Variants in UPP1 observed in about 807,000 individuals in gnomAD.
UPP1 encodes the protein uridine phosphorylase 1, also known as UPase 1.
UPP1 carries 25 observed loss-of-function variants against 29.6 expected under a neutral mutation model. The observed-to-expected ratio is 0.85, with a 90% CI of 0.62 to 1.18. UPP1 has a LOEUF of 1.18. Ranked by LOEUF, UPP1 falls within the 50% of genes most tolerant of loss-of-function variation. The pLI is 0.00. For missense variants in UPP1, 368 were observed against 410.4 expected, an observed-to-expected ratio of 0.90 and a Z score of 0.89; for synonymous variants, 165 against 159.8, an observed-to-expected ratio of 1.03 and a Z score of -0.25.
chr7:48,108,381 CCTG>C lies in UPP1; in HGVS notation c.*28_*30del, dbSNP rs750076574. The stretch of plus-strand genomic sequence containing the variant: ...GAGCGCTGCCCTGCACCTCCGCAGA[CCTG>C]CTGTGATGACTTGCCATTAAAAGCA... On this transcript the variant is annotated 3_prime_UTR_variant, in exon 9 of 9. Transcript: ENST00000395564. The C allele has an allele frequency of 1.9e-6, 3 of 1,596,900 alleles. No individual in the cohort carries two copies. Among genetic ancestry groups the C allele is most frequent in the African/African-American group, 1.3e-5 (1 of 74,762 alleles).
chr7:48,107,211 G>A (rs1792804165), intron 7 of UPP1, 129 bp downstream of exon 7: 1 of 1,418,706 alleles, frequency 7.0e-7, no homozygotes, highest in East Asian at 2.4e-5. Context: ...TTCGCCCAGA[G>A]TGGTTATAAT....
intron 2 of UPP1, among the ~76,000 whole-genome samples, chr7:48,091,716 A>G (rs1000565578): frequency 7.9e-5 from 12 of 152,142 alleles, no homozygotes; most frequent in African/African-American, 2.9e-4. Flanking sequence ...AAGTGGAGAG[A>G]AGTTAGTTCT....
Position 48,094,799 on chromosome 7 carries a change from G to A in UPP1, c.16G>A (p.Ala6Thr), listed in dbSNP as rs770128008. ...AGTTGGCGGAATGGCGGCCACGGGA[G>A]CCAATGCAGAGAAAGCTGAAAGTCA... MAATGANAEKAESHND... is the reference protein window; with the variant it reads MAATGTNAEKAESHND... The change falls in exon 3 of 9, where the codon GCC (alanine) becomes ACC (threonine). Residue 6 changes from alanine to threonine, a missense_variant. Coordinates refer to ENST00000395564, the MANE Select transcript of UPP1 (RefSeq NM_003364.4). 11 of 1,613,976 alleles carry A rather than the reference G, an allele frequency of 6.8e-6. No homozygotes were observed. The East Asian group carries it at 2.2e-4, about 33-fold the overall frequency.
chr7:48,106,974 A>G lies in UPP1; in HGVS notation c.538A>G (p.Thr180Ala). 4 of 1,613,244 alleles carry G rather than the reference A, an allele frequency of 2.5e-6. No individual in the cohort carries two copies. Among genetic ancestry groups the G allele is most frequent in the African/African-American group, 1.3e-5 (1 of 75,006 alleles). The change falls in exon 7 of 9, where the codon ACG (threonine) becomes GCG (alanine). Residue 180 changes from threonine (T) to alanine (A), a missense_variant. Thr to Ala is a moderately conservative substitution (Grantham distance 58). Transcript: ENST00000395564. ...IVLGKRVIRK[T>A]DLNKKLVQEL... ...CCTGGGGAAGCGGGTCATCCGGAAA[A>G]CGGACCTTAACAAGAAGCTGGTGCA...
intron 5 of UPP1, among the ~76,000 whole-genome samples, chr7:48,102,530 A>G (rs1441829655): frequency 5.3e-5 from 8 of 152,138 alleles, no homozygotes; most frequent in Non-Finnish European, 1.5e-5. Flanking sequence ...GTGCACCCCT[A>G]CCTCTCCAGT....
At chr7:48,090,096 C>A (rs1005297057) in intron 1 of UPP1, 92 bp from the exon 2 acceptor site, 1 of 152,220 alleles carries the variant, frequency 6.6e-6, no homozygotes, top group African/African-American at 2.4e-5. Flanking sequence ...AGAGAAACTT[C>A]ACAGGCATAT....
In UPP1 at chr7:48,103,391, T is replaced by C. The variant is rs149849645; in HGVS notation, c.416T>C (p.Ile139Thr). The C allele has an allele frequency of 5.0e-6, 8 of 1,613,872 alleles. No homozygotes were observed. The highest frequency in any genetic ancestry group is 1.1e-5 in the South Asian group (1 of 91,082). Reference sequence around the variant, plus strand: ...TGCTCCAACGTCACTATCATCCGCATTGGCACTTCTGGTGGGATAGGTAAG... The same window carrying C: ...TGCTCCAACGTCACTATCATCCGCACTGGCACTTCTGGTGGGATAGGTAAG... Reference protein sequence around the residue: ...ARCSNVTIIRIGTSGGIGLEP... With the variant: ...ARCSNVTIIRTGTSGGIGLEP... The change falls in exon 6 of 9, where the codon ATT becomes ACT. Residue 139 changes from isoleucine to threonine, a missense_variant. Transcript: ENST00000395564.
At chr7:48,101,762 C>G in intron 4 of UPP1, 62 bp from the exon 5 acceptor site, 11 of 1,548,534 alleles carry the variant, frequency 7.1e-6, no homozygotes, top group Non-Finnish European at 8.7e-6. Flanking sequence ...GTCTAGGGGC[C>G]CCACTTGAGG....
chr7:48,099,700 CAT>C lies in UPP1; in HGVS notation c.77_78del (p.Ile26SerfsTer16). On this transcript the variant is annotated frameshift_variant, in exon 4 of 9. Coordinates refer to ENST00000395564, the MANE Select transcript of UPP1 (RefSeq NM_003364.4). LOFTEE classifies it high-confidence loss of function. Reference protein sequence around the residue: ...DCPVRLLNPNIAKMKEDILYH... With the variant: ...DCPVRLLNPNXAKMKEDILYH... ...GCCCCGTCAGACTTTTAAATCCAAA[CAT>C]AGCAAAAATGAAAGAAGATATTCTC... 1 of 1,613,460 alleles carries C rather than the reference CAT, an allele frequency of 6.2e-7. No individual in the cohort carries two copies.
chr7:48,106,925 CA>C lies in UPP1; in HGVS notation c.491del (p.Lys164ArgfsTer34). 6.2e-7 allele frequency: 1 copy of C among 1,613,712 alleles called. No homozygotes were observed. On this transcript the variant is annotated frameshift_variant, in exon 7 of 9. Transcript: ENST00000395564. LOFTEE classifies it high-confidence loss of function. ...ITEQAVDTCF[K>X]AEFEQIVLGK... ...CAGAGCAGGCAGTGGATACCTGCTT[CA>C]AGGCAGAGTTTGAGCAGATTGTCCT...
intron 3 of UPP1, among the ~76,000 whole-genome samples, chr7:48,098,133 C>A (rs1416898142): frequency 6.6e-6 from 1 of 152,172 alleles, no homozygotes; most frequent in African/African-American, 2.4e-5. Context: ...GCCCCCTGTC[C>A]CCTTATACAA....
chr7:48,094,626 A>T (rs1792028393), intron 2 of UPP1, 137 bp from the exon 3 acceptor site: 1 of 697,518 alleles, frequency 1.4e-6, no homozygotes. Context: ...TCTATTTCTC[A>T]CACAATTCAC....
intron 6 of UPP1, 118 bp from the exon 7 acceptor site, chr7:48,106,755 T>C (rs945470546): frequency 9.3e-6 from 8 of 860,494 alleles, no homozygotes; most frequent in Non-Finnish European, 1.3e-5. Context: ...CGTGTTTGGA[T>C]GTGTGGGTGG....
rs115222424 is a variant in UPP1, at chr7:48,103,387, C to T, written c.412C>T (p.Arg138Cys). Reference sequence around the variant, plus strand: ...CCGGTGCTCCAACGTCACTATCATCCGCATTGGCACTTCTGGTGGGATAGG... The same window carrying T: ...CCGGTGCTCCAACGTCACTATCATCTGCATTGGCACTTCTGGTGGGATAGG... ...YARCSNVTIIRIGTSGGIGLE... is the reference protein window; with the variant it reads ...YARCSNVTIICIGTSGGIGLE... The change falls in exon 6 of 9, where the codon CGC (arginine) becomes TGC (cysteine). Residue 138 changes from arginine to cysteine, a missense_variant. Coordinates refer to ENST00000395564, the MANE Select transcript of UPP1 (RefSeq NM_003364.4). 8.3e-5 allele frequency: 134 copies of T among 1,613,886 alleles called. No individual in the cohort carries two copies. Among genetic ancestry groups the T allele is most frequent in the East Asian group, 4.2e-4 (19 of 44,860 alleles).
chr7:48,102,062 C>T, intron 5 of UPP1, 80 bp downstream of exon 5: 1 of 1,487,692 alleles, frequency 6.7e-7, no homozygotes, highest in Non-Finnish European at 9.1e-7. Context: ...ACACAGACAG[C>T]TGGTCCCCTA....
intron 8 of UPP1, 118 bp downstream of exon 8, chr7:48,107,625 T>G (rs1260952553): frequency 3.2e-6 from 4 of 1,241,118 alleles, no homozygotes; most frequent in Non-Finnish European, 4.4e-6. Context: ...GGTTTCTGTT[T>G]CCGCTGCCCC....
chr7:48,099,065 G>A (rs565375337), intron 3 of UPP1, among the ~76,000 whole-genome samples: 12 of 152,318 alleles, frequency 7.9e-5, no homozygotes, highest in African/African-American at 2.9e-4. Flanking sequence ...ATGAAGAAAA[G>A]TTTGCTGATG....
rs1448889599 is a variant in UPP1, at chr7:48,099,542, A to G, written c.45-128A>G. ...ACCTTGGCAATGTTGGGGTTGTCTTATCTCCGGGATCTGGCCCTGTCTTTC... is the reference window on the plus strand; with the variant it reads ...ACCTTGGCAATGTTGGGGTTGTCTTGTCTCCGGGATCTGGCCCTGTCTTTC... On this transcript the variant is annotated intron_variant, in intron 3 of 8. Transcript: ENST00000395564. 7.5e-6 allele frequency: 5 copies of G among 666,416 alleles called. No individual in the cohort carries two copies. In the Admixed American group the frequency reaches 1.3e-4, roughly 17 times the overall value. 41.3% of individuals were successfully genotyped at this position (666,416 alleles called of 1,614,324 possible). A position where few individuals can be genotyped will look rare whatever the true frequency, so the allele number is the denominator to read the frequency against.
At chr7:48,094,317 G>A (rs1426775608) in intron 2 of UPP1, among the ~76,000 whole-genome samples, 2 of 152,128 alleles carry the variant, frequency 1.3e-5, no homozygotes, top group South Asian at 2.1e-4. Context: ...AGGTTCAAGC[G>A]ATTGTCCTCC....
Sources: gnomAD v4.1 joint callset for allele counts (sites outside exome capture counted in the v4.1 genomes callset) on GRCh38, gnomAD v4.1.1 for gene constraint, MANE v1.5 for transcripts, NCBI Gene and HGNC (gene_info 2026-07-23, HGNC 2026-07-21) for gene names.